ADAMTS2: variants seen among roughly 807,000 people sequenced by gnomAD.
ADAMTS2 encodes A disintegrin and metalloproteinase with thrombospondin motifs 2.
A neutral mutation model predicts 123.0 loss-of-function variants in ADAMTS2; 50 were observed. That is an observed-to-expected ratio of 0.41 (90% CI 0.32 to 0.51). ADAMTS2 has a LOEUF of 0.51. ADAMTS2 is among the 20% of genes least tolerant of loss of function. The pLI is 0.35. For synonymous variants in ADAMTS2, 678 were observed against 695.4 expected, an observed-to-expected ratio of 0.98 and a Z score of 0.39; for missense variants, 1,494 against 1,705.2, an observed-to-expected ratio of 0.88 and a Z score of 2.18.
intron 3 of ADAMTS2, among the ~76,000 whole-genome samples, chr5:179,230,904 A>G (rs866958489): frequency 3.9e-5 from 6 of 152,058 alleles, no homozygotes; most frequent in South Asian, 2.1e-4. Flanking sequence ...GCAGCTACTC[A>G]GGAGGCTGAG....
At position 179,132,075 on chromosome 5, in the gene ADAMTS2, G is replaced by A. The variant is rs1459564729; in HGVS notation, c.2290+155C>T. 6.6e-6 allele frequency among the ~76,000 whole-genome samples: 1 copy of A among 152,216 alleles called. No individual in the cohort carries two copies. The highest frequency in any genetic ancestry group is 2.4e-5 in the African/African-American group (1 of 41,464). ...GAGGACCCTGGGAAAGGGCCCAGGTGGGCTGAGCAGAGGGACAGGTTGGGG... is the reference window on the plus strand; with the variant it reads ...GAGGACCCTGGGAAAGGGCCCAGGTAGGCTGAGCAGAGGGACAGGTTGGGG... On this transcript the variant is annotated intron_variant, in intron 15 of 21. Transcript: ENST00000251582. The surrounding 1 kb of genome is among the most constrained non-coding windows in gnomAD (Gnocchi z 6.1).
In ADAMTS2 at chr5:179,343,761, A is replaced by T. The variant is rs1227177846; in HGVS notation, c.534+6T>A. 15 of 1,609,978 alleles carry T rather than the reference A, an allele frequency of 9.3e-6. No homozygotes were observed. Among genetic ancestry groups the T allele is most frequent in the Non-Finnish European group, 1.3e-5 (15 of 1,179,582 alleles). On this transcript the variant is annotated splice_donor_region_variant and intron_variant, in intron 2 of 21. Transcript: ENST00000251582. ...AGAGAAAGGAGCTAGAGAAGTGCGT[A>T]CTCACCAGCCCATCGCAGTTGCTGA... is the stretch of plus-strand genomic sequence containing the variant.
At chr5:179,196,767 G>C (rs1411361693) in intron 4 of ADAMTS2, among the ~76,000 whole-genome samples, 1 of 152,232 alleles carries the variant, frequency 6.6e-6, no homozygotes, top group African/African-American at 2.4e-5. Context: ...AATTCCTTTA[G>C]CACCTCATAG....
rs1762897374 is a variant in ADAMTS2, at chr5:179,128,368, G to A, written c.2458-250C>T. ...CGATCAATATATAACCTTGTTTTAT[G>A]TGTGAGTCTGTTTATTTTTTTGTTT... On this transcript the variant is annotated intron_variant, in intron 16 of 21. Coordinates refer to ENST00000251582, the MANE Select transcript of ADAMTS2 (RefSeq NM_014244.5). This position sits in a 1 kb window ranked among gnomAD's most constrained non-coding sequence, Gnocchi z 4.9. Among the ~76,000 whole-genome samples the A allele has an allele frequency of 6.6e-6, 1 of 152,188 alleles. No individual in the cohort carries two copies. Among genetic ancestry groups the A allele is most frequent in the South Asian group, 2.1e-4 (1 of 4,830 alleles).
At chr5:179,116,260 A>ACCCCCCCCCCCCCCCCCC (rs146306326) in intron 21 of ADAMTS2, among the ~76,000 whole-genome samples, 117 of 93,838 alleles carry the variant, frequency 1.2e-3, no homozygotes, top group African/African-American at 1.4e-3. Context: ...TGACCACGGC[A>ACCCCCCCCCCCCCCCCCC]CCCCCCCCCC....
chr5:179,283,521 T>C (rs1461952023), intron 2 of ADAMTS2, among the ~76,000 whole-genome samples: 2 of 39,580 alleles, frequency 5.1e-5, no homozygotes, highest in African/African-American at 1.0e-4. Context: ...GCAGACCATA[T>C]AGAAAATATG....
Position 179,272,795 on chromosome 5 carries a change from C to T in ADAMTS2, c.688+116G>A. The T allele has an allele frequency of 1.5e-6, 2 of 1,359,782 alleles. No individual in the cohort carries two copies. The highest frequency in any genetic ancestry group is 2.0e-6 in the Non-Finnish European group (2 of 1,004,502). 84.2% of individuals were successfully genotyped at this position (1,359,782 alleles called of 1,614,324 possible). A position where few individuals can be genotyped will look rare whatever the true frequency, so the allele number is the denominator to read the frequency against. On this transcript the variant is annotated intron_variant, in intron 3 of 21. Coordinates refer to ENST00000251582, the MANE Select transcript of ADAMTS2 (RefSeq NM_014244.5). The surrounding 1 kb of genome is among the most constrained non-coding windows in gnomAD (Gnocchi z 5.8). The stretch of plus-strand genomic sequence containing the variant: ...TTTCTGAGCCACTGAGACCGGGGCT[C>T]AGCCTCAGCAGCCAAGCTGGTCTGT...
intron 3 of ADAMTS2, among the ~76,000 whole-genome samples, chr5:179,235,672 G>C (rs1308720832): frequency 6.6e-6 from 1 of 152,360 alleles, no homozygotes; most frequent in East Asian, 1.9e-4. Context: ...GAAGGGCAGA[G>C]AGGAAGGAGA....
In ADAMTS2 at chr5:179,137,961, A is replaced by G. The variant is rs1293889319; in HGVS notation, c.1776-17T>C. The G allele has an allele frequency of 6.5e-7, 1 of 1,542,078 alleles. No individual in the cohort carries two copies. The highest frequency in any genetic ancestry group is 2.0e-5 in the Admixed American group (1 of 51,034). On this transcript the variant is annotated splice_polypyrimidine_tract_variant and intron_variant, in intron 11 of 21. Transcript: ENST00000251582. ...TTGGCCGGGCTGGAGGAGAAAGCAAAGGCCTTGCCGCTCCGTGCCATTGGA... is the reference window on the plus strand; with the variant it reads ...TTGGCCGGGCTGGAGGAGAAAGCAAGGGCCTTGCCGCTCCGTGCCATTGGA...
rs1171679960 is a variant in ADAMTS2, at chr5:179,314,141, C to T, written c.534+29626G>A. On this transcript the variant is annotated intron_variant, in intron 2 of 21. Transcript: ENST00000251582. The surrounding 1 kb of genome is among the most constrained non-coding windows in gnomAD (Gnocchi z 4.5). The stretch of plus-strand genomic sequence containing the variant: ...AGGCTCTGCATCCACACGGAGGCTT[C>T]GGATTGGGCGCAGCCTGGGAGCACA... 1.3e-5 allele frequency among the ~76,000 whole-genome samples: 2 copies of T among 152,254 alleles called. No individual in the cohort carries two copies. The highest frequency in any genetic ancestry group is 1.9e-4 in the East Asian group (1 of 5,204).
rs1330419911 is a variant in ADAMTS2 at position 179,130,263 on chromosome 5, G to C, written c.2291-165C>G. On this transcript the variant is annotated intron_variant, in intron 15 of 21. Coordinates refer to ENST00000251582, the MANE Select transcript of ADAMTS2 (RefSeq NM_014244.5). This position sits in a 1 kb window ranked among gnomAD's most constrained non-coding sequence, Gnocchi z 4.3. ...GCCACGACAGCCCAGATGGCTCTGG[G>C]AGCCCTGCTTGCCCATCACTGCTCC... 6.6e-6 allele frequency among the ~76,000 whole-genome samples: 1 copy of C among 152,070 alleles called. No homozygotes were observed. The highest frequency in any genetic ancestry group is 1.5e-5 in the Non-Finnish European group (1 of 68,004).
rs34204311 is a variant in ADAMTS2, at chr5:179,133,081, T to A, written c.2086-181A>T. Among the ~76,000 whole-genome samples the A allele has an allele frequency of 5.7e-3, 863 of 151,594 alleles. 2 individuals carry two copies. The highest frequency in any genetic ancestry group is 9.8e-3 in the Non-Finnish European group (667 of 67,830). ...GCCTCATCTTTTATTATCTCCAAAA[T>A]CAGAGTGCGTCTAGTCATCAGTTAA... On this transcript the variant is annotated intron_variant, in intron 13 of 21. Coordinates refer to ENST00000251582, the MANE Select transcript of ADAMTS2 (RefSeq NM_014244.5).
At chr5:179,289,976 G>A (rs756816924) in intron 2 of ADAMTS2, among the ~76,000 whole-genome samples, 6 of 152,202 alleles carry the variant, frequency 3.9e-5, no homozygotes, top group East Asian at 1.9e-4. Context: ...TAAATGCCAC[G>A]TGGGATCCTG....
intron 10 of ADAMTS2, among the ~76,000 whole-genome samples, chr5:179,145,677 G>A (rs1763238677): frequency 6.6e-6 from 1 of 152,164 alleles, no homozygotes; most frequent in African/African-American, 2.4e-5. Context: ...GACAGCAAGA[G>A]GATGAGTGGC....
intron 21 of ADAMTS2, chr5:179,120,777 C>T (rs1466866674): frequency 6.6e-6 from 1 of 152,194 alleles, no homozygotes; most frequent in Non-Finnish European, 1.5e-5. Context: ...GGAGAGAAGC[C>T]GTCTGCACTT....
At chr5:179,168,269 T>TG (rs1561787279) in intron 5 of ADAMTS2, among the ~76,000 whole-genome samples, 1 of 151,074 alleles carries the variant, frequency 6.6e-6, no homozygotes, top group Non-Finnish European at 1.5e-5. Context: ...GTCCCCCGGG[T>TG]GGGGGGAGGG....
chr5:179,130,131 G>T lies in ADAMTS2; in HGVS notation c.2291-33C>A. 6.2e-7 allele frequency: 1 copy of T among 1,613,478 alleles called. No homozygotes were observed. Among genetic ancestry groups the T allele is most frequent in the Non-Finnish European group, 8.5e-7 (1 of 1,179,960 alleles). On this transcript the variant is annotated intron_variant, in intron 15 of 21. Transcript: ENST00000251582. The surrounding 1 kb of genome is among the most constrained non-coding windows in gnomAD (Gnocchi z 4.3). The stretch of plus-strand genomic sequence containing the variant: ...TGGCAAGACCAAGTCCCCCGTTGTG[G>T]TCACCCAAGAGCAGGACCCAGGCCC...
rs552084694 is a variant in ADAMTS2, at chr5:179,288,109, C to A, written c.535-15045G>T. ...GGACCCCCCCTTTCACTTTCCATCA[C>A]AGGCTGTCATCTCCCCGGGTCCCTG... On this transcript the variant is annotated intron_variant, in intron 2 of 21. Transcript: ENST00000251582. Among the ~76,000 whole-genome samples, 572 of 152,352 alleles carry A rather than the reference C, an allele frequency of 3.8e-3. 4 individuals carry two copies. The highest frequency in any genetic ancestry group is 6.7e-3 in the Admixed American group (103 of 15,314).
chr5:179,255,441 G>A (rs1252549368), intron 3 of ADAMTS2, among the ~76,000 whole-genome samples: 3 of 152,172 alleles, frequency 2.0e-5, no homozygotes, highest in Non-Finnish European at 4.4e-5. Context: ...AGGATTGGGG[G>A]TCAGGAACTG....
Sources: allele counts gnomAD v4.1 joint callset (sites outside exome capture counted in the v4.1 genomes callset), GRCh38; gene constraint gnomAD v4.1.1; non-coding constraint Gnocchi (gnomAD v3.1); transcripts MANE v1.5; gene names NCBI Gene and HGNC (gene_info 2026-07-23, HGNC 2026-07-21).